Variants in RBFOX1 observed in about 807,000 individuals in gnomAD.
RBFOX1 encodes the protein RNA binding protein fox-1 homolog 1.
A neutral mutation model predicts 57.7 loss-of-function variants in RBFOX1; 8 were observed. The ratio of observed to expected loss-of-function variants is 0.14; its 90% confidence interval spans 0.08 to 0.25. The LOEUF (loss-of-function observed/expected upper bound fraction) is 0.25. Among genes scored for constraint, RBFOX1 ranks in the 10% least tolerant of loss-of-function variants. RBFOX1 has a pLI of 1.00. For synonymous variants in RBFOX1, 326 were observed against 222.4 expected, an observed-to-expected ratio of 1.47 and a Z score of -4.15; for missense variants, 611 against 548.5, an observed-to-expected ratio of 1.11 and a Z score of -1.14.
At chr16:6,897,302 C>T (rs936460499) in intron 3 of RBFOX1, among the ~76,000 whole-genome samples, 3 of 152,296 alleles carry the variant, frequency 2.0e-5, no homozygotes, top group Non-Finnish European at 4.4e-5. Context: ...ACTCAGGAGG[C>T]TGAGGAGGGA....
intron 2 of RBFOX1, among the ~76,000 whole-genome samples, chr16:6,347,601 C>A (rs755960716): frequency 6.6e-6 from 1 of 152,092 alleles, no homozygotes; most frequent in Admixed American, 6.5e-5. Flanking sequence ...GGGTGAAGGA[C>A]GCAAGAGACG....
rs1567215553 is a variant in RBFOX1 at position 6,780,301 on chromosome 16, ACATATATATATTTATT to A, written c.-16+125657_-16+125672del. Among the ~76,000 whole-genome samples, 30 of 46,586 alleles carry A rather than the reference ACATATATATATTTATT, an allele frequency of 6.4e-4. 4 individuals carry two copies. Among genetic ancestry groups the A allele is most frequent in the Admixed American group, 1.8e-3 (4 of 2,184 alleles). 30.6% of individuals were successfully genotyped at this position (46,586 alleles called of 152,430 possible). A position where few individuals can be genotyped will look rare whatever the true frequency, so the allele number is the denominator to read the frequency against. ...TATATTTATACATATATATATTTAT[ACATATATATATTTATT>A]CATATTTATATATATTTATACATAT... is the stretch of plus-strand genomic sequence containing the variant. On this transcript the variant is annotated intron_variant, in intron 3 of 15. Coordinates refer to ENST00000550418, the MANE Select transcript of RBFOX1 (RefSeq NM_018723.4).
At chr16:6,450,790 C>CATATATATACAT (rs2094582633) in intron 2 of RBFOX1, among the ~76,000 whole-genome samples, 2 of 35,146 alleles carry the variant, frequency 5.7e-5, no homozygotes, top group Non-Finnish European at 9.8e-5. Context: ...TATATATATA[C>CATATATATACAT]ATATATATAT....
At chr16:6,452,333 T>C (rs1340887333) in intron 2 of RBFOX1, among the ~76,000 whole-genome samples, 1 of 151,654 alleles carries the variant, frequency 6.6e-6, no homozygotes, top group African/African-American at 2.4e-5. Context: ...GTCCCTTCCT[T>C]CCATGGCTCC....
intron 2 of RBFOX1, among the ~76,000 whole-genome samples, chr16:6,375,742 G>T (rs1014336432): frequency 3.3e-5 from 5 of 152,198 alleles, no homozygotes; most frequent in African/African-American, 1.2e-4. Context: ...GTTTCTGACG[G>T]AGCGAGAATG....
intron 3 of RBFOX1, among the ~76,000 whole-genome samples, chr16:5,742,025 A>T (rs1018282728): frequency 2.6e-5 from 4 of 152,224 alleles, no homozygotes; most frequent in Non-Finnish European, 5.9e-5. Flanking sequence ...GAATTTTAGA[A>T]ATAAGAGAAA....
intron 4 of RBFOX1, among the ~76,000 whole-genome samples, chr16:7,362,799 G>A (rs1198094116): frequency 1.3e-5 from 2 of 152,154 alleles, no homozygotes; most frequent in Non-Finnish European, 2.9e-5. Context: ...CATTTCAAGT[G>A]TTCACTGCCA....
intron 2 of RBFOX1, among the ~76,000 whole-genome samples, chr16:6,400,724 C>T (rs1016961733): frequency 1.3e-5 from 2 of 152,004 alleles, no homozygotes; most frequent in Non-Finnish European, 2.9e-5. Flanking sequence ...ACGGTGAAAC[C>T]CTGTCTCTAC....
At chr16:5,615,440 C>A (rs553685512) in intron 3 of RBFOX1, among the ~76,000 whole-genome samples, 2 of 152,192 alleles carry the variant, frequency 1.3e-5, no homozygotes, top group East Asian at 1.9e-4. Flanking sequence ...AGTCTACTTG[C>A]TCTGAAGACA....
intron 3 of RBFOX1, among the ~76,000 whole-genome samples, chr16:6,655,943 G>T (rs777314405): frequency 9.9e-5 from 15 of 152,172 alleles, no homozygotes; most frequent in Non-Finnish European, 2.1e-4. Context: ...CATTATTTTA[G>T]GGAGTGTTAA....
intron 3 of RBFOX1, among the ~76,000 whole-genome samples, chr16:6,814,208 T>C (rs191403873): frequency 1.3e-4 from 20 of 149,090 alleles, no homozygotes; most frequent in African/African-American, 4.9e-4. Context: ...TGATAATAAC[T>C]GTTTTCTTCT....
At chr16:7,419,304 T>C (rs1469569319) in intron 4 of RBFOX1, among the ~76,000 whole-genome samples, 1 of 152,130 alleles carries the variant, frequency 6.6e-6, no homozygotes, top group East Asian at 1.9e-4. Flanking sequence ...ATTGCAACAG[T>C]GACACTCCCC....
intron 2 of RBFOX1, among the ~76,000 whole-genome samples, chr16:6,648,049 C>G (rs1025480880): frequency 2.6e-5 from 4 of 151,980 alleles, no homozygotes; most frequent in African/African-American, 9.7e-5. Context: ...CATTTTCTTG[C>G]CCAGACAGGT....
intron 3 of RBFOX1, among the ~76,000 whole-genome samples, chr16:6,798,248 A>G (rs879310319): frequency 6.6e-6 from 1 of 152,174 alleles, no homozygotes; most frequent in East Asian, 1.9e-4. Flanking sequence ...GTCCCAGAGA[A>G]GAGTTCCTGG....
intron 4 of RBFOX1, among the ~76,000 whole-genome samples, chr16:7,052,491 C>T (rs1240177129): frequency 6.6e-6 from 1 of 152,152 alleles, no homozygotes; most frequent in Non-Finnish European, 1.5e-5. Flanking sequence ...TGGCTGTTGA[C>T]TGGGGTGGGT....
intron 4 of RBFOX1, among the ~76,000 whole-genome samples, chr16:7,087,471 A>G (rs1179433530): frequency 6.6e-6 from 1 of 151,770 alleles, no homozygotes; most frequent in Admixed American, 6.6e-5. Flanking sequence ...GGATTTGCTC[A>G]TTAAACAGCC....
At chr16:6,997,886 G>T (rs1369862156) in intron 3 of RBFOX1, among the ~76,000 whole-genome samples, 2 of 151,956 alleles carry the variant, frequency 1.3e-5, no homozygotes. Context: ...TTGTCTGAAG[G>T]TTGTGCACTA....
intron 3 of RBFOX1, among the ~76,000 whole-genome samples, chr16:6,969,578 T>TA (rs1318297513): frequency 6.7e-6 from 1 of 150,012 alleles, no homozygotes; most frequent in African/African-American, 2.5e-5. Flanking sequence ...CTACAAAAAA[T>TA]AAAAATAAAA....
At chr16:5,791,302 A>G (rs1483679249) in intron 3 of RBFOX1, among the ~76,000 whole-genome samples, 1 of 152,256 alleles carries the variant, frequency 6.6e-6, no homozygotes, top group East Asian at 1.9e-4. Context: ...TAACTGATAA[A>G]AAGATCAATG....
Sources: allele counts gnomAD v4.1 joint callset (sites outside exome capture counted in the v4.1 genomes callset), GRCh38; gene constraint gnomAD v4.1.1; transcripts MANE v1.5; gene names NCBI Gene and HGNC (gene_info 2026-07-23, HGNC 2026-07-21).